Variants in UNC79 observed in about 807,000 individuals in gnomAD.
UNC79 encodes the protein protein unc-79 homolog.
Under a neutral mutation model 283.1 loss-of-function variants are expected in UNC79, and 37 were observed. The ratio of observed to expected loss-of-function variants is 0.13; its 90% CI spans 0.10 to 0.17. UNC79 has a LOEUF of 0.17. Among genes scored for constraint, UNC79 ranks in the 10% least tolerant of loss-of-function variants. The pLI is 1.00. For synonymous variants in UNC79, 1,107 were observed against 1,200.2 expected, an observed-to-expected ratio of 0.92 and a Z score of 1.61; for missense variants, 2,272 against 3,211.1, an observed-to-expected ratio of 0.71 and a Z score of 7.07.
At chr14:93,619,838 A>G (rs1275514803) in intron 29 of UNC79, among the ~76,000 whole-genome samples, 1 of 152,222 alleles carries the variant, frequency 6.6e-6, no homozygotes, top group African/African-American at 2.4e-5. Flanking sequence ...GCCAAACATT[A>G]TGAGTTCAGT....
intron 17 of UNC79, 104 bp from the exon 18 acceptor site, chr14:93,577,738 A>G: frequency 8.9e-7 from 1 of 1,118,596 alleles, no homozygotes; most frequent in Non-Finnish European, 1.3e-6. Context: ...GGAAAGAAAT[A>G]AGTGTGACAG....
intron 14 of UNC79, among the ~76,000 whole-genome samples, chr14:93,555,555 C>CA (rs1403672647): frequency 6.6e-5 from 10 of 152,130 alleles, no homozygotes; most frequent in Non-Finnish European, 8.8e-5. Context: ...AGGTGCACGC[C>CA]ACCATGCCCG....
chr14:93,337,640 GGGA>G (rs1159104658), intron 1 of UNC79, among the ~76,000 whole-genome samples: 1 of 152,194 alleles, frequency 6.6e-6, no homozygotes, highest in Non-Finnish European at 1.5e-5. Flanking sequence ...GTGGGGTGGT[GGGA>G]TTGAAAGAGC....
intron 34 of UNC79, 74 bp downstream of exon 37, chr14:93,643,771 G>C (rs1381288190): frequency 1.3e-6 from 2 of 1,558,524 alleles, no homozygotes; most frequent in Non-Finnish European, 1.7e-6. Context: ...AAAACTACCA[G>C]TTCAAAAGTG....
chr14:93,369,964 A>G (rs2054408757), intron 1 of UNC79, among the ~76,000 whole-genome samples: 1 of 152,154 alleles, frequency 6.6e-6, no homozygotes, highest in African/African-American at 2.4e-5. Context: ...ATCCTGTCCC[A>G]CTTAAGAGGG....
rs193077102 is a variant in UNC79, at chr14:93,571,838, T to C, written c.1756-56T>C. On this transcript the variant is annotated intron_variant, in intron 14 of 48. Coordinates refer to ENST00000555664, the Ensembl canonical transcript of UNC79. ...CATTGCCTTAGGAAGTCCTTGAGTATAATTGTAACCAGTGTGTTTCATTCT... is the reference window on the plus strand; with the variant it reads ...CATTGCCTTAGGAAGTCCTTGAGTACAATTGTAACCAGTGTGTTTCATTCT... 2.5e-5 allele frequency: 40 copies of C among 1,596,478 alleles called. No individual in the cohort carries two copies. The East Asian group carries it at 8.9e-4, about 36-fold the overall frequency.
chr14:93,474,036 G>A lies in UNC79; in HGVS notation c.144-53G>A. On this transcript the variant is annotated intron_variant, in intron 2 of 48. Coordinates refer to ENST00000555664, the Ensembl canonical transcript of UNC79. The surrounding 1 kb of genome is among the most constrained non-coding windows in gnomAD (Gnocchi z 4.1). ...TTTTAGAGTGTCATTTCAATGTAAT[G>A]TGCTGTTCTTTGTGTCTTTGTTGTC... The A allele has an allele frequency of 6.8e-7, 1 of 1,476,668 alleles. No homozygotes were observed. Among genetic ancestry groups the A allele is most frequent in the Non-Finnish European group, 9.0e-7 (1 of 1,114,882 alleles). 91.5% of individuals were successfully genotyped at this position (1,476,668 alleles called of 1,614,324 possible).
At chr14:93,354,671 A>C (rs769835877) in intron 1 of UNC79, among the ~76,000 whole-genome samples, 15 of 152,110 alleles carry the variant, frequency 9.9e-5, no homozygotes, top group Non-Finnish European at 1.3e-4. Context: ...CAAATTAAAA[A>C]ACTTTTTTTT....
chr14:93,379,408 T>A (rs1428790983), intron 1 of UNC79, among the ~76,000 whole-genome samples: 2 of 152,064 alleles, frequency 1.3e-5, no homozygotes, highest in East Asian at 3.9e-4. Context: ...TTTTTTGAGG[T>A]TGGCAAATTA....
chr14:93,527,989 A>C (rs918154511), intron 8 of UNC79, among the ~76,000 whole-genome samples: 5 of 152,034 alleles, frequency 3.3e-5, no homozygotes, highest in Admixed American at 6.5e-5. Context: ...AAAAAAAAAA[A>C]ACACATGAAA....
chr14:93,622,514 C>T (rs775922903), exon 30 of UNC79: 3 of 1,614,092 alleles, frequency 1.9e-6, no homozygotes, highest in East Asian at 2.2e-5. Flanking sequence ...CGAGATGTCG[C>T]TGGATGATCA....
In UNC79 at chr14:93,621,190, A is replaced by G; in HGVS notation, c.4388-431A>G. 3.4e-6 allele frequency: 1 copy of G among 294,742 alleles called. No homozygotes were observed. The highest frequency in any genetic ancestry group is 6.7e-6 in the Non-Finnish European group (1 of 148,520). 18.3% of individuals were successfully genotyped at this position (294,742 alleles called of 1,614,324 possible). On this transcript the variant is annotated intron_variant, in intron 29 of 48. Transcript: ENST00000555664. The surrounding 1 kb of genome is among the most constrained non-coding windows in gnomAD (Gnocchi z 4.8). ...GCACAAACAGTATATATATATACAC[A>G]TTTATATATATACGTGAATCGACAG...
intron 1 of UNC79, among the ~76,000 whole-genome samples, chr14:93,441,409 G>T (rs1448844483): frequency 6.6e-6 from 1 of 151,992 alleles, no homozygotes; most frequent in African/African-American, 2.4e-5. Context: ...TAATAGGTGA[G>T]TTAAGCCCTT....
At chr14:93,685,088 G>A (rs1475245677) in intron 42 of UNC79, among the ~76,000 whole-genome samples, 3 of 152,142 alleles carry the variant, frequency 2.0e-5, no homozygotes, top group African/African-American at 7.2e-5. Context: ...GAATTTTAAG[G>A]CTTTTATCAG....
At position 93,496,402 on chromosome 14, in the gene UNC79, A is replaced by C. The variant is rs200612268; in HGVS notation, c.713-9A>C. On this transcript the variant is annotated splice_polypyrimidine_tract_variant and intron_variant, in intron 5 of 48. Coordinates refer to ENST00000555664, the Ensembl canonical transcript of UNC79. ...ATTTCATGTATGAATTACATTTTCT[A>C]CATTACAGTGTATCATTGTCAATTA... 147 of 1,525,480 alleles carry C rather than the reference A, an allele frequency of 9.6e-5. No homozygotes were observed. Among genetic ancestry groups the C allele is most frequent in the Non-Finnish European group, 4.2e-5 (48 of 1,136,664 alleles). The allele number at this position is 1,525,480 out of a possible 1,614,324, so 94.5% of individuals were successfully genotyped here.
intron 38 of UNC79, among the ~76,000 whole-genome samples, chr14:93,656,967 A>G (rs2071012152): frequency 6.6e-6 from 1 of 152,256 alleles, no homozygotes; most frequent in Admixed American, 6.5e-5. Context: ...ATAAAGATCA[A>G]CAACCTATGC....
At chr14:93,367,204 A>G (rs1323977820) in intron 1 of UNC79, among the ~76,000 whole-genome samples, 1 of 152,236 alleles carries the variant, frequency 6.6e-6, no homozygotes, top group Non-Finnish European at 1.5e-5. Flanking sequence ...ATAAAATAGT[A>G]AAAAAAGAAA....
At chr14:93,613,031 A>C (rs1443712299) in exon 27 of UNC79, 2 of 1,614,196 alleles carry the variant, frequency 1.2e-6, no homozygotes, top group East Asian at 2.2e-5. Context: ...ATTGCACCTC[A>C]AAAAATGCGC....
chr14:93,668,159 G>A (rs1462317422), intron 40 of UNC79, among the ~76,000 whole-genome samples: 2 of 152,094 alleles, frequency 1.3e-5, no homozygotes, highest in African/African-American at 2.4e-5. Flanking sequence ...ATTCAGTTCT[G>A]CAAGACAGGA....
Sources: allele counts gnomAD v4.1 joint callset (sites outside exome capture counted in the v4.1 genomes callset), GRCh38; gene constraint gnomAD v4.1.1; non-coding constraint Gnocchi (gnomAD v3.1); transcripts MANE v1.5; gene names NCBI Gene and HGNC (gene_info 2026-07-23, HGNC 2026-07-21).